Variants in TENM3 observed in about 807,000 individuals in gnomAD.
The protein encoded by TENM3 is teneurin-3.
A neutral mutation model predicts 255.1 loss-of-function variants in TENM3; 63 were observed. The observed-to-expected ratio is 0.25, with a 90% CI of 0.20 to 0.30. The LOEUF is 0.30. Among genes scored for constraint, TENM3 ranks in the 10% least tolerant of loss-of-function variants. TENM3 has a pLI of 1.00. For missense variants in TENM3, 2,929 were observed against 3,461.1 expected, an observed-to-expected ratio of 0.85 and a Z score of 3.86; for synonymous variants, 1,306 against 1,322.3, an observed-to-expected ratio of 0.99 and a Z score of 0.27.
At chr4:181,978,026 G>A in the TENM3 span, among the ~76,000 whole-genome samples, 3 of 152,188 alleles carry the variant, frequency 2.0e-5, no homozygotes, top group Non-Finnish European at 4.4e-5. Context: ...TTGCAGTAAA[G>A]CAAAGAGAAT....
At chr4:182,059,745 CAAAAAAAAAA>C in the TENM3 span, among the ~76,000 whole-genome samples, 1 of 43,186 alleles carries the variant, frequency 2.3e-5, no homozygotes, top group Non-Finnish European at 4.4e-5. Context: ...TCTGTCTCTA[CAAAAAAAAAA>C]AAAAAAAGAA....
chr4:182,019,234 C>T, the TENM3 span, among the ~76,000 whole-genome samples: 4 of 152,122 alleles, frequency 2.6e-5, no homozygotes, highest in African/African-American at 9.7e-5. Flanking sequence ...ATTTGGAAAC[C>T]CCCAAAGTTT....
intron 3 of TENM3, among the ~76,000 whole-genome samples, chr4:182,520,246 T>A (rs1738431043): frequency 6.6e-6 from 1 of 152,120 alleles, no homozygotes. Context: ...GGTCATAAGA[T>A]ACAAGACCAG....
chr4:182,667,510 A>G (rs1247329978), intron 6 of TENM3, among the ~76,000 whole-genome samples: 2 of 152,122 alleles, frequency 1.3e-5, no homozygotes, highest in Non-Finnish European at 2.9e-5. Context: ...TTTGTCAGAA[A>G]AAGTCTGACT....
chr4:181,834,960 A>G, the TENM3 span: 1 of 152,170 alleles, frequency 6.6e-6, no homozygotes, highest in East Asian at 1.9e-4. Context: ...ATTTTTTTAA[A>G]TGTCCTTTTT....
the TENM3 span, among the ~76,000 whole-genome samples, chr4:181,646,921 C>G: frequency 6.6e-6 from 1 of 152,288 alleles, no homozygotes; most frequent in South Asian, 2.1e-4. Flanking sequence ...CTGAGTCACA[C>G]AGGCAAATCA....
rs1763239735 is a variant in TENM3, at chr4:182,324,115, A to G, written c.95A>G (p.Glu32Gly). The G allele has an allele frequency of 6.2e-7, 1 of 1,613,868 alleles. No individual in the cohort carries two copies. Among genetic ancestry groups the G allele is most frequent in the Non-Finnish European group, 8.5e-7 (1 of 1,179,894 alleles). The change falls in exon 2 of 28, where the codon GAG becomes GGG. Residue 32 changes from glutamate (E) to glycine (G), a missense_variant. Transcript: ENST00000511685. ...ACAAATTCCTCCGCAGACAATGAGG[A>G]GTGCCGGGTACCCACACAGAAGTCC... Reference protein sequence around the residue: ...RYTNSSADNEECRVPTQKSYS... With the variant: ...RYTNSSADNEGCRVPTQKSYS...
intron 1 of TENM3, among the ~76,000 whole-genome samples, chr4:182,159,409 G>A (rs554707035): frequency 6.6e-6 from 1 of 152,032 alleles, no homozygotes; most frequent in South Asian, 2.1e-4. Flanking sequence ...AGGTCCTAGT[G>A]GAGCCAGGTG....
chr4:181,467,118 TATA>T, the TENM3 span, among the ~76,000 whole-genome samples: 5 of 66,366 alleles, frequency 7.5e-5, no homozygotes, highest in African/African-American at 2.7e-4. Flanking sequence ...TATATATATA[TATA>T]TATATTTTTT....
intron 12 of TENM3, among the ~76,000 whole-genome samples, chr4:182,701,696 C>T (rs1447596038): frequency 6.6e-6 from 1 of 152,182 alleles, no homozygotes; most frequent in Non-Finnish European, 1.5e-5. Context: ...CAAGCGTTGT[C>T]CTCTGAATTG....
the TENM3 span, among the ~76,000 whole-genome samples, chr4:181,722,851 G>T: frequency 6.6e-6 from 1 of 152,072 alleles, no homozygotes; most frequent in African/African-American, 2.4e-5. Context: ...ACACTCTGGG[G>T]AAGTCACTGG....
chr4:181,498,180 C>T, the TENM3 span, among the ~76,000 whole-genome samples: 1 of 152,102 alleles, frequency 6.6e-6, no homozygotes, highest in Non-Finnish European at 1.5e-5. Flanking sequence ...CAACCTACAG[C>T]CTTACCCCTA....
the TENM3 span, among the ~76,000 whole-genome samples, chr4:181,819,287 C>T: frequency 0.012 from 1,775 of 152,020 alleles, 29 homozygotes; most frequent in African/African-American, 0.04. Context: ...CCACCCAAAA[C>T]GAGATCCAAT....
chr4:181,545,252 A>T, the TENM3 span, among the ~76,000 whole-genome samples: 2 of 151,458 alleles, frequency 1.3e-5, no homozygotes, highest in Admixed American at 1.3e-4. Context: ...TAGTAAACAA[A>T]TATGTAAAAC....
At chr4:181,797,532 C>A in the TENM3 span, among the ~76,000 whole-genome samples, 2 of 152,174 alleles carry the variant, frequency 1.3e-5, no homozygotes, top group African/African-American at 4.8e-5. Context: ...ATATATTTAA[C>A]TCTAACGCTG....
chr4:182,653,721 T>C lies in TENM3; in HGVS notation c.989-50T>C, dbSNP rs761907081. ...TTTAAACATGCTTAGCAATTGCCGTTGTAGCTGAAGGCAGCAGATCTTTAA... is the reference window on the plus strand; with the variant it reads ...TTTAAACATGCTTAGCAATTGCCGTCGTAGCTGAAGGCAGCAGATCTTTAA... On this transcript the variant is annotated intron_variant, in intron 5 of 27. Coordinates refer to ENST00000511685, the MANE Select transcript of TENM3 (RefSeq NM_001080477.4). The C allele has an allele frequency of 4.6e-6, 7 of 1,537,014 alleles. No individual in the cohort carries two copies. In the East Asian group the frequency reaches 1.4e-4, roughly 32 times the overall value.
At chr4:182,369,978 T>A (rs1766694563) in intron 3 of TENM3, among the ~76,000 whole-genome samples, 1 of 152,218 alleles carries the variant, frequency 6.6e-6, no homozygotes, top group Non-Finnish European at 1.5e-5. Flanking sequence ...GGTTCTATCA[T>A]TAATTTGTTG....
intron 6 of TENM3, among the ~76,000 whole-genome samples, chr4:182,662,907 A>G (rs905378360): frequency 1.3e-5 from 2 of 152,214 alleles, no homozygotes; most frequent in African/African-American, 4.8e-5. Flanking sequence ...TGTGACTTGA[A>G]AAGCAGCAGT....
At chr4:182,490,120 C>G (rs1416319664) in intron 3 of TENM3, among the ~76,000 whole-genome samples, 1 of 152,122 alleles carries the variant, frequency 6.6e-6, no homozygotes, top group African/African-American at 2.4e-5. Flanking sequence ...CTATATTCCT[C>G]TAGAAACTCA....
Sources: gnomAD v4.1 joint callset for allele counts (sites outside exome capture counted in the v4.1 genomes callset) on GRCh38, gnomAD v4.1.1 for gene constraint, MANE v1.5 for transcripts, NCBI Gene and HGNC (gene_info 2026-07-23, HGNC 2026-07-21) for gene names.